Variants in LTBP1 observed in about 807,000 individuals in gnomAD.
LTBP1 encodes the protein latent-transforming growth factor beta-binding protein 1.
LTBP1 carries 129 observed loss-of-function variants against 207.6 expected under a neutral mutation model. The observed-to-expected ratio is 0.62, with a 90% confidence interval of 0.54 to 0.72. The LOEUF (loss-of-function observed/expected upper bound fraction) is 0.72, where lower values mean the gene tolerates loss of function less well. LTBP1 is among the 30% of genes least tolerant of loss of function. The pLI is 0.00. For missense variants in LTBP1, 2,281 were observed against 2,217.2 expected, an observed-to-expected ratio of 1.03 and a Z score of -0.58; for synonymous variants, 963 against 833.7, an observed-to-expected ratio of 1.16 and a Z score of -2.67.
At chr2:32,959,615 A>ATTTTTT (rs1232142524) in intron 2 of LTBP1, among the ~76,000 whole-genome samples, 26 of 37,696 alleles carry the variant, frequency 6.9e-4, no homozygotes, top group African/African-American at 1.6e-3. Flanking sequence ...ATATATATAT[A>ATTTTTT]TATATATTTT....
chr2:33,222,075 T>TA lies in LTBP1; in HGVS notation c.1805-4dup, dbSNP rs1241414992. The TA allele has an allele frequency of 6.2e-7, 1 of 1,608,554 alleles. No individual in the cohort carries two copies. Among genetic ancestry groups the TA allele is most frequent in the Non-Finnish European group, 8.5e-7 (1 of 1,175,006 alleles). On this transcript the variant is annotated splice_region_variant and splice_polypyrimidine_tract_variant and intron_variant, in intron 8 of 33. Transcript: ENST00000404816. The stretch of plus-strand genomic sequence containing the variant: ...GTATGTAACAAAGCATTTCTTCCCT[T>TA]ACAGCTTATCATGGATACAACCAAA...
chr2:33,248,510 C>T (rs1180743897), intron 10 of LTBP1, among the ~76,000 whole-genome samples: 1 of 152,060 alleles, frequency 6.6e-6, no homozygotes, highest in Admixed American at 6.5e-5. Context: ...TTTAATCTCA[C>T]CTGCCACACT....
intron 19 of LTBP1, among the ~76,000 whole-genome samples, chr2:33,281,439 A>G (rs937464312): frequency 2.6e-5 from 4 of 152,244 alleles, no homozygotes; most frequent in African/African-American, 9.6e-5. Flanking sequence ...TGAAGGCCAG[A>G]GAACACAGGA....
chr2:32,991,926 TC>T (rs1684482629), intron 2 of LTBP1, among the ~76,000 whole-genome samples: 1 of 152,200 alleles, frequency 6.6e-6, no homozygotes, highest in Admixed American at 6.5e-5. Flanking sequence ...TAAATGTGAT[TC>T]CTTAACACTT....
intron 3 of LTBP1, among the ~76,000 whole-genome samples, chr2:33,046,285 T>C (rs2076438376): frequency 6.6e-6 from 1 of 152,180 alleles, no homozygotes; most frequent in Non-Finnish European, 1.5e-5. Flanking sequence ...GGAGATATTT[T>C]CCATCAATAC....
At chr2:33,008,120 T>A (rs936803410) in intron 2 of LTBP1, among the ~76,000 whole-genome samples, 7 of 152,260 alleles carry the variant, frequency 4.6e-5, no homozygotes, top group African/African-American at 1.4e-4. Flanking sequence ...TATTTTTTAT[T>A]GCCCCAGTTT....
intron 4 of LTBP1, among the ~76,000 whole-genome samples, chr2:33,114,346 C>T (rs542638753): frequency 5.9e-5 from 9 of 152,296 alleles, no homozygotes; most frequent in Non-Finnish European, 1.0e-4. Flanking sequence ...ATCTATTAAA[C>T]GTGTAAATAT....
intron 25 of LTBP1, among the ~76,000 whole-genome samples, chr2:33,343,226 A>T (rs2094653164): frequency 6.6e-6 from 1 of 151,736 alleles, no homozygotes; most frequent in Non-Finnish European, 1.5e-5. Context: ...GCATGGTGAG[A>T]TCTTTTCTCT....
intron 3 of LTBP1, among the ~76,000 whole-genome samples, chr2:33,073,977 A>G (rs146845034): frequency 6.6e-6 from 1 of 152,288 alleles, no homozygotes; most frequent in East Asian, 1.9e-4. Context: ...CTACTTGGCA[A>G]ATTGTAAGGT....
Position 33,150,710 on chromosome 2 carries a change from C to CTTTTTTT in LTBP1, c.1201+15770_1201+15776dup, listed in dbSNP as rs1176008947. Among the ~76,000 whole-genome samples, 230 of 69,322 alleles carry CTTTTTTT rather than the reference C, an allele frequency of 3.3e-3. 7 individuals carry two copies. Among genetic ancestry groups the CTTTTTTT allele is most frequent in the African/African-American group, 4.5e-3 (73 of 16,294 alleles). 45.5% of individuals were successfully genotyped at this position (69,322 alleles called of 152,430 possible). A position where few individuals can be genotyped will look rare whatever the true frequency, so the allele number is the denominator to read the frequency against. On this transcript the variant is annotated intron_variant, in intron 5 of 33. Coordinates refer to ENST00000404816, the MANE Select transcript of LTBP1 (RefSeq NM_206943.4). ...CTTTTCTTTTTTCTTTTTTCTTTTT[C>CTTTTTTT]TTTTTTTTTTTTTTTTTTTTTTTTT...
chr2:33,147,400 A>G (rs181086526), intron 5 of LTBP1, among the ~76,000 whole-genome samples: 1 of 152,272 alleles, frequency 6.6e-6, no homozygotes, highest in Non-Finnish European at 1.5e-5. Flanking sequence ...CTGCATTTCT[A>G]CCACATGCTC....
intron 2 of LTBP1, among the ~76,000 whole-genome samples, chr2:32,953,827 C>T (rs544933222): frequency 1.3e-5 from 2 of 152,120 alleles, no homozygotes; most frequent in Admixed American, 6.5e-5. Context: ...CAAACATGTT[C>T]GAGAGCTCAA....
At chr2:32,973,167 G>T (rs1198733778) in intron 2 of LTBP1, among the ~76,000 whole-genome samples, 1 of 152,102 alleles carries the variant, frequency 6.6e-6, no homozygotes, top group African/African-American at 2.4e-5. Context: ...ACTTGTCCAA[G>T]TGTTGAGTTC....
intron 2 of LTBP1, among the ~76,000 whole-genome samples, chr2:33,008,817 C>T (rs775924188): frequency 4.6e-5 from 7 of 152,156 alleles, no homozygotes; most frequent in Non-Finnish European, 1.0e-4. Context: ...GAAGGGCAGC[C>T]CCAGAGAAGG....
intron 5 of LTBP1, among the ~76,000 whole-genome samples, chr2:33,161,563 G>A (rs780960722): frequency 4.6e-5 from 7 of 152,134 alleles, no homozygotes; most frequent in African/African-American, 1.2e-4. Context: ...CACCACGCCC[G>A]GCCAGGAAGC....
intron 3 of LTBP1, among the ~76,000 whole-genome samples, chr2:33,054,616 A>C (rs2076898622): frequency 6.6e-6 from 1 of 152,206 alleles, no homozygotes; most frequent in Admixed American, 6.5e-5. Flanking sequence ...ATTAAAACTG[A>C]GGAGGTGTGA....
At chr2:33,361,773 C>G (rs41320744) in intron 28 of LTBP1, among the ~76,000 whole-genome samples, 5,174 of 152,198 alleles carry the variant, frequency 0.034, 122 homozygotes, top group Middle Eastern at 0.071. Flanking sequence ...AATAATTTCT[C>G]AAAGGTTATA....
In LTBP1 at chr2:33,092,356, C is replaced by A. The variant is rs568674296; in HGVS notation, c.864-18226C>A. ...GTCTGTGGCATGCCATGATAAAGTTCTTTTTAAAATACCAAGTTTATTGAA... is the reference window on the plus strand; with the variant it reads ...GTCTGTGGCATGCCATGATAAAGTTATTTTTAAAATACCAAGTTTATTGAA... On this transcript the variant is annotated intron_variant, in intron 3 of 33. Transcript: ENST00000404816. Among the ~76,000 whole-genome samples, 37 of 152,274 alleles carry A rather than the reference C, an allele frequency of 2.4e-4. No individual in the cohort carries two copies. In the South Asian group the frequency reaches 7.1e-3, roughly 29 times the overall value.
chr2:33,162,134 C>G (rs1056832921), intron 5 of LTBP1, among the ~76,000 whole-genome samples: 1 of 152,196 alleles, frequency 6.6e-6, no homozygotes, highest in Non-Finnish European at 1.5e-5. Context: ...GTTGTATCAT[C>G]TTAACTACCT....
Sources: gnomAD v4.1 joint callset for allele counts (sites outside exome capture counted in the v4.1 genomes callset) on GRCh38, gnomAD v4.1.1 for gene constraint, MANE v1.5 for transcripts, NCBI Gene and HGNC (gene_info 2026-07-23, HGNC 2026-07-21) for gene names.